Variants in PISD observed in about 807,000 individuals in gnomAD.
PISD encodes the protein phosphatidylserine decarboxylase, also known as phosphatidylserine decarboxylase proenzyme, mitochondrial.
A neutral mutation model predicts 43.5 loss-of-function variants in PISD; 31 were observed. That is an observed-to-expected ratio of 0.71 (90% confidence interval 0.54 to 0.96). PISD has a LOEUF of 0.96. PISD is among the 40% of genes least tolerant of loss of function. The pLI, the probability that PISD is intolerant of heterozygous loss-of-function variation, is 0.00. For synonymous variants in PISD, 259 were observed against 228.7 expected (o/e 1.13, Z -1.20); for missense variants, 523 against 548.4 (o/e 0.95, Z 0.46).
chr22:31,621,721 G>A lies in PISD; in HGVS notation c.486C>T (p.Tyr162=), dbSNP rs761636680. 1 of 1,614,108 alleles carries A rather than the reference G, an allele frequency of 6.2e-7. No individual in the cohort carries two copies. The highest frequency in any genetic ancestry group is 1.7e-5 in the Admixed American group (1 of 60,022). The change falls in exon 4 of 8, where the codon TAC becomes TAT. Residue 162 remains tyrosine (Y), a synonymous_variant. Transcript: ENST00000439502. Reference sequence around the variant, plus strand: ...GCCGGAAGAACTCGCTGAGGTTGCGGTAGTGATGCAGGTCCTCCACAGCGG... The same window carrying A: ...GCCGGAAGAACTCGCTGAGGTTGCGATAGTGATGCAGGTCCTCCACAGCGG... The part of the protein sequence containing the change: ...KEAAVEDLHH[Y]RNLSEFFRRK...
intron 3 of PISD, among the ~76,000 whole-genome samples, chr22:31,640,061 A>G (rs1359398977): frequency 1.3e-5 from 2 of 152,180 alleles, no homozygotes; most frequent in Non-Finnish European, 2.9e-5. Flanking sequence ...TCAAGGGAAT[A>G]GCACTCTGGA....
chr22:31,618,515 CA>C lies in PISD; in HGVS notation c.*1096del. ...GTTTTAAGTTTGATTTTTTTTATTT[CA>C]AAATGCTTTGCAATTAAATGAATTA... On this transcript the variant is annotated 3_prime_UTR_variant, in exon 8 of 8. Transcript: ENST00000439502. The C allele has an allele frequency of 8.2e-7, 1 of 1,224,874 alleles. No individual in the cohort carries two copies. The highest frequency in any genetic ancestry group is 1.1e-6 in the Non-Finnish European group (1 of 927,782). 75.9% of individuals were successfully genotyped at this position (1,224,874 alleles called of 1,614,324 possible).
intron 3 of PISD, chr22:31,629,166 G>A (rs943653611): frequency 2.1e-5 from 21 of 985,188 alleles, no homozygotes; most frequent in South Asian, 4.7e-5. Context: ...AACTGAAGTC[G>A]ATGAATGACC....
intron 3 of PISD, among the ~76,000 whole-genome samples, chr22:31,633,705 A>G (rs1330626306): frequency 6.6e-6 from 1 of 151,862 alleles, no homozygotes; most frequent in Non-Finnish European, 1.5e-5. Context: ...ACAGAGCGAG[A>G]CTCGTCTCAA....
At chr22:31,621,527 G>A in intron 4 of PISD, 55 bp from the exon 5 acceptor site, 1 of 1,608,650 alleles carries the variant, frequency 6.2e-7, no homozygotes, top group Non-Finnish European at 8.5e-7. Flanking sequence ...CTCCCCCCAG[G>A]AGACAGCCCC....
chr22:31,643,461 C>T (rs1314750848), intron 3 of PISD, among the ~76,000 whole-genome samples: 3 of 151,818 alleles, frequency 2.0e-5, no homozygotes, highest in Non-Finnish European at 4.4e-5. Context: ...ACTACCCTGG[C>T]GAAGTGGCAC....
chr22:31,631,568 G>GGAT (rs2073206478), intron 3 of PISD, among the ~76,000 whole-genome samples: 1 of 152,218 alleles, frequency 6.6e-6, no homozygotes, highest in East Asian at 1.9e-4. Context: ...CCCATGGGAT[G>GGAT]GATGATGCAT....
At chr22:31,658,705 C>T (rs1048204964) in intron 1 of PISD, among the ~76,000 whole-genome samples, 1 of 151,712 alleles carries the variant, frequency 6.6e-6, no homozygotes, top group Non-Finnish European at 1.5e-5. Context: ...GTGCACCCAG[C>T]CATTTTTTGC....
At chr22:31,661,222 G>A (rs983133253) in intron 1 of PISD, among the ~76,000 whole-genome samples, 2 of 152,132 alleles carry the variant, frequency 1.3e-5, no homozygotes, top group Non-Finnish European at 2.9e-5. Flanking sequence ...ACCAATGATG[G>A]TTTCTGTTCC....
At chr22:31,636,087 C>CCCA (rs1218843290) in intron 3 of PISD, among the ~76,000 whole-genome samples, 19 of 152,224 alleles carry the variant, frequency 1.2e-4, no homozygotes, top group Non-Finnish European at 2.5e-4. Context: ...TCCGATACTG[C>CCCA]CCACTACCAG....
intron 3 of PISD, among the ~76,000 whole-genome samples, chr22:31,634,002 G>C (rs924561011): frequency 1.3e-5 from 2 of 152,126 alleles, no homozygotes; most frequent in Non-Finnish European, 2.9e-5. Flanking sequence ...GTGCCACCTA[G>C]TGCCACTGTG....
At chr22:31,662,264 A>G, upstream of PISD, 1 of 1,549,288 alleles carries the variant, frequency 6.5e-7, no homozygotes, top group Non-Finnish European at 8.8e-7. Context: ...GCGCACGCTT[A>G]AGGCGTCACG....
chr22:31,632,249 A>G (rs1294217065), intron 3 of PISD: 4 of 985,010 alleles, frequency 4.1e-6, no homozygotes, highest in Non-Finnish European at 4.8e-6. Flanking sequence ...GGGGAAGAAG[A>G]CAGATAGGGT....
intron 3 of PISD, among the ~76,000 whole-genome samples, chr22:31,637,158 AAAAAAAATAT>A (rs1315128404): frequency 8.5e-4 from 29 of 34,052 alleles, no homozygotes; most frequent in African/African-American, 2.8e-3. Flanking sequence ...AAAAAAAAAA[AAAAAAAATAT>A]ATATATATAT....
intron 3 of PISD, chr22:31,638,372 T>C (rs2073579151): frequency 1.0e-6 from 1 of 985,504 alleles, no homozygotes; most frequent in South Asian, 4.7e-5. Flanking sequence ...TCACCTCCAC[T>C]TGACCTAACT....
In PISD at chr22:31,619,147, A is replaced by G. The variant is rs1569478911; in HGVS notation, c.*465T>C. 3.9e-6 allele frequency: 1 copy of G among 255,752 alleles called. No homozygotes were observed. Among genetic ancestry groups the G allele is most frequent in the East Asian group, 1.1e-4 (1 of 9,096 alleles). The allele number at this position is 255,752 out of a possible 1,614,324, so 15.8% of individuals were successfully genotyped here. A position where few individuals can be genotyped will look rare whatever the true frequency, so the allele number is the denominator to read the frequency against. Reference sequence around the variant, plus strand: ...GAAGGCTGTGTGGCTCTGCTGGGGGAGAGGCATCCACAGTCTGTGCCAAGG... The same window carrying G: ...GAAGGCTGTGTGGCTCTGCTGGGGGGGAGGCATCCACAGTCTGTGCCAAGG... On this transcript the variant is annotated 3_prime_UTR_variant, in exon 8 of 8. Transcript: ENST00000439502.
chr22:31,624,381 C>T (rs987449248), intron 3 of PISD, among the ~76,000 whole-genome samples: 3 of 152,202 alleles, frequency 2.0e-5, no homozygotes, highest in Non-Finnish European at 4.4e-5. Context: ...CTGAGTCTTC[C>T]GCTACCATCC....
chr22:31,639,166 T>C (rs1001102191), intron 3 of PISD, among the ~76,000 whole-genome samples: 2 of 150,910 alleles, frequency 1.3e-5, no homozygotes, highest in African/African-American at 4.9e-5. Context: ...TGGCTAATTT[T>C]TCTTTTCCTT....
intron 2 of PISD, among the ~76,000 whole-genome samples, chr22:31,649,821 G>C (rs76444215): frequency 6.6e-6 from 1 of 152,276 alleles, no homozygotes; most frequent in Non-Finnish European, 1.5e-5. Flanking sequence ...CTTATAAAAA[G>C]GGAAAATCTA....
Sources: allele counts gnomAD v4.1 joint callset (sites outside exome capture counted in the v4.1 genomes callset), GRCh38; gene constraint gnomAD v4.1.1; transcripts MANE v1.5; gene names NCBI Gene and HGNC (gene_info 2026-07-23, HGNC 2026-07-21).